RBM47: variants seen among roughly 807,000 people sequenced by gnomAD.
RBM47 encodes RNA binding motif protein 47.
RBM47 carries 21 observed loss-of-function variants against 47.1 expected under a neutral mutation model. The observed-to-expected ratio is 0.45, with a 90% CI of 0.32 to 0.64. The LOEUF (loss-of-function observed/expected upper bound fraction) is 0.64. Ranked by LOEUF, RBM47 falls within the 30% of genes least tolerant of loss-of-function variation. RBM47 has a pLI of 0.05. For synonymous variants in RBM47, 375 were observed against 361.7 expected (o/e 1.04, Z -0.42); for missense variants, 708 against 870.9 (o/e 0.81, Z 2.35).
chr4:40,473,833 A>T (rs1339961369), intron 2 of RBM47, among the ~76,000 whole-genome samples: 1 of 152,244 alleles, frequency 6.6e-6, no homozygotes, highest in Non-Finnish European at 1.5e-5. Context: ...CACCTAACAA[A>T]ATTATCCACC....
chr4:40,532,309 A>ATTTTTT (rs34850081), intron 2 of RBM47, among the ~76,000 whole-genome samples: 17 of 65,802 alleles, frequency 2.6e-4, no homozygotes, highest in East Asian at 4.3e-4. Flanking sequence ...CACGCCCGGC[A>ATTTTTT]TTTTTTTTTT....
At chr4:40,432,621 A>C in intron 6 of RBM47, 30 bp downstream of exon 6, 1 of 1,609,832 alleles carries the variant, frequency 6.2e-7, no homozygotes, top group Non-Finnish European at 8.5e-7. Flanking sequence ...CTTCACACAC[A>C]AATGACAATG....
chr4:40,523,103 T>C (rs1278033113), intron 2 of RBM47, among the ~76,000 whole-genome samples: 1 of 151,646 alleles, frequency 6.6e-6, no homozygotes, highest in African/African-American at 2.4e-5. Context: ...GTAGCTGGGA[T>C]TATAGGCATG....
chr4:40,503,876 T>C lies in RBM47; in HGVS notation c.-154-37177A>G, dbSNP rs149407271. Among the ~76,000 whole-genome samples, 1,485 of 151,536 alleles carry C rather than the reference T, an allele frequency of 9.8e-3. 29 individuals carry two copies. Among genetic ancestry groups the C allele is most frequent in the African/African-American group, 0.034 (1,402 of 41,264 alleles). Reference sequence around the variant, plus strand: ...AAAGAGGACACGGAAATAAGCAAAATTAACAATGAAATTAGGCTGGGCATG... The same window carrying C: ...AAAGAGGACACGGAAATAAGCAAAACTAACAATGAAATTAGGCTGGGCATG... On this transcript the variant is annotated intron_variant, in intron 2 of 6. Coordinates refer to ENST00000295971, the MANE Select transcript of RBM47 (RefSeq NM_001098634.2).
At chr4:40,522,689 A>G (rs1390106128) in intron 2 of RBM47, among the ~76,000 whole-genome samples, 1 of 152,012 alleles carries the variant, frequency 6.6e-6, no homozygotes, top group Middle Eastern at 3.2e-3. Context: ...ATACCTCAAT[A>G]GATTGAAGCA....
chr4:40,583,388 GAAAAAAAAAAAAAAA>G (rs56371832), intron 1 of RBM47, among the ~76,000 whole-genome samples: 1 of 91,102 alleles, frequency 1.1e-5, no homozygotes, highest in African/African-American at 4.1e-5. Flanking sequence ...CTCCATCTCA[GAAAAAAAAAAAAAAA>G]AAAAAAAAAA....
At chr4:40,516,413 C>A (rs376132918) in intron 2 of RBM47, among the ~76,000 whole-genome samples, 2 of 152,096 alleles carry the variant, frequency 1.3e-5, no homozygotes, top group East Asian at 3.9e-4. Context: ...GCACCTGACA[C>A]CATGCCTGGC....
chr4:40,583,945 T>G (rs1283285090), intron 1 of RBM47, among the ~76,000 whole-genome samples: 1 of 152,030 alleles, frequency 6.6e-6, no homozygotes, highest in Non-Finnish European at 1.5e-5. Flanking sequence ...ACATGGAATT[T>G]GTTTAAAATG....
At chr4:40,568,879 G>A (rs1675024603) in intron 1 of RBM47, among the ~76,000 whole-genome samples, 1 of 151,808 alleles carries the variant, frequency 6.6e-6, no homozygotes, top group Non-Finnish European at 1.5e-5. Context: ...TACTCGGGAG[G>A]CTGAGGCAGG....
chr4:40,436,446 C>G lies in RBM47; in HGVS notation c.1325G>C (p.Gly442Ala). 1 of 1,613,366 alleles carries G rather than the reference C, an allele frequency of 6.2e-7. No homozygotes were observed. Among genetic ancestry groups the G allele is most frequent in the Non-Finnish European group, 8.5e-7 (1 of 1,179,872 alleles). Residue 442 changes from glycine to alanine, a missense_variant, in exon 5 of 7, where the codon GGT (glycine) becomes GCT (alanine). Gly to Ala is a moderately conservative substitution (Grantham distance 60). Transcript: ENST00000295971. ...TCAATCTGCTTCATACTGACCTGTACCAGGTTTAATGGCAACTGGGTTGAC... is the reference window on the plus strand; with the variant it reads ...TCAATCTGCTTCATACTGACCTGTAGCAGGTTTAATGGCAACTGGGTTGAC... ...PTVNPVAIKP[G>A]TVAIPAIGAQ... is the part of the protein sequence containing the mutation.
chr4:40,606,676 T>A (rs561539409), intron 1 of RBM47, among the ~76,000 whole-genome samples: 2 of 152,090 alleles, frequency 1.3e-5, no homozygotes, highest in African/African-American at 4.8e-5. Context: ...TTGCTTTACC[T>A]CTTTGTGCCT....
chr4:40,428,648 A>G (rs1051233396), intron 6 of RBM47, among the ~76,000 whole-genome samples: 2 of 152,120 alleles, frequency 1.3e-5, no homozygotes, highest in African/African-American at 4.8e-5. Context: ...ACGGCCCAAC[A>G]CCTGGGTTCA....
intron 3 of RBM47, among the ~76,000 whole-genome samples, chr4:40,443,978 T>A (rs1714109331): frequency 6.6e-6 from 1 of 151,940 alleles, no homozygotes; most frequent in Non-Finnish European, 1.5e-5. Flanking sequence ...GCAGGTAGAT[T>A]GCTTAAGCTC....
At chr4:40,582,621 T>C (rs1733062938) in intron 1 of RBM47, among the ~76,000 whole-genome samples, 1 of 152,156 alleles carries the variant, frequency 6.6e-6, no homozygotes, top group African/African-American at 2.4e-5. Flanking sequence ...CCAGGATCTG[T>C]TCCCTGCCTC....
intron 1 of RBM47, among the ~76,000 whole-genome samples, chr4:40,601,084 C>A (rs191843640): frequency 4.0e-4 from 60 of 151,682 alleles, no homozygotes; most frequent in African/African-American, 1.3e-3. Flanking sequence ...ATGATGTAAC[C>A]ATCACCGTAA....
At chr4:40,528,230 G>A (rs1186150996) in intron 2 of RBM47, among the ~76,000 whole-genome samples, 1 of 152,100 alleles carries the variant, frequency 6.6e-6, no homozygotes, top group Non-Finnish European at 1.5e-5. Context: ...GGCCAAAATG[G>A]TGAAACACCA....
intron 1 of RBM47, among the ~76,000 whole-genome samples, chr4:40,575,805 TTC>T (rs1216121982): frequency 6.6e-6 from 1 of 152,208 alleles, no homozygotes; most frequent in African/African-American, 2.4e-5. Flanking sequence ...ATCTGGAATT[TTC>T]TCTCTTTTGA....
chr4:40,425,983 C>T lies in RBM47; in HGVS notation c.1703G>A (p.Gly568Glu). Residue 568 changes from glycine (G) to glutamate (E), a missense_variant, in exon 7 of 7, where the codon GGA (glycine) becomes GAA (glutamate). By Grantham distance (98) the Gly-to-Glu change is moderately conservative. Coordinates refer to ENST00000295971, the MANE Select transcript of RBM47 (RefSeq NM_001098634.2). The stretch of plus-strand genomic sequence containing the variant: ...GGCCTGAGGTATGTAGCCTGCGTAT[C>T]CTCCATACATGGCGGCCGCGGCTGC... ...NAAAAAAMYG[G>E]YAGYIPQAFP... 1.2e-6 allele frequency: 2 copies of T among 1,614,148 alleles called. No homozygotes were observed. The highest frequency in any genetic ancestry group is 1.7e-5 in the Admixed American group (1 of 60,028).
intron 2 of RBM47, among the ~76,000 whole-genome samples, chr4:40,487,856 T>C (rs1429917478): frequency 6.6e-6 from 1 of 152,234 alleles, no homozygotes; most frequent in Non-Finnish European, 1.5e-5. Context: ...TATCAATTTA[T>C]ATGCTAATGA....
Sources: gnomAD v4.1 joint callset for allele counts (sites outside exome capture counted in the v4.1 genomes callset) on GRCh38, gnomAD v4.1.1 for gene constraint, MANE v1.5 for transcripts, NCBI Gene and HGNC (gene_info 2026-07-23, HGNC 2026-07-21) for gene names.